PACRG: variants seen among roughly 807,000 people sequenced by gnomAD.
The protein encoded by PACRG is parkin coregulated gene protein.
Under a neutral mutation model 29.7 loss-of-function variants are expected in PACRG, and 29 were observed. The ratio of observed to expected loss-of-function variants is 0.98; its 90% confidence interval spans 0.73 to 1.33. The LOEUF is 1.33. Ranked by LOEUF, PACRG falls within the 40% of genes most tolerant of loss-of-function variation. The pLI, the probability that PACRG is intolerant of heterozygous loss-of-function variation, is 0.00. For synonymous variants in PACRG, 116 were observed against 118.7 expected (o/e 0.98, Z 0.15); for missense variants, 279 against 316.2 (o/e 0.88, Z 0.89).
chr6:163,068,889 G>A (rs1466462602), intron 3 of PACRG, among the ~76,000 whole-genome samples: 1 of 150,384 alleles, frequency 6.6e-6, no homozygotes, highest in Non-Finnish European at 1.5e-5. Context: ...GGGGTGGGGG[G>A]TATTTAGCAG....
intron 1 of PACRG, among the ~76,000 whole-genome samples, chr6:162,796,859 G>A (rs940987718): frequency 2.0e-5 from 3 of 152,200 alleles, no homozygotes; most frequent in African/African-American, 7.2e-5. Flanking sequence ...TTATGTGAAT[G>A]CTTGACACAG....
rs114595986 is a variant in PACRG, at chr6:163,097,664, C to T, written c.613+8256C>T. On this transcript the variant is annotated intron_variant, in intron 4 of 4. Coordinates refer to ENST00000366888, the MANE Select transcript of PACRG (RefSeq NM_001080379.2). ...TATACATTGGTTTGGTTCAGAAGGG[C>T]GGTGGTTTACAGGTCATAGTGGGTT... Among the ~76,000 whole-genome samples the T allele has an allele frequency of 4.9e-3, 749 of 152,072 alleles. 5 individuals carry two copies. The highest frequency in any genetic ancestry group is 0.017 in the African/African-American group (720 of 41,480).
At chr6:163,146,602 C>T (rs913918789) in intron 4 of PACRG, among the ~76,000 whole-genome samples, 4 of 152,296 alleles carry the variant, frequency 2.6e-5, no homozygotes, top group Non-Finnish European at 5.9e-5. Flanking sequence ...CTTCTTGTCA[C>T]AAGTAAATAA....
intron 4 of PACRG, among the ~76,000 whole-genome samples, chr6:163,204,514 C>G (rs1780823138): frequency 6.6e-6 from 1 of 152,174 alleles, no homozygotes; most frequent in African/African-American, 2.4e-5. Flanking sequence ...TCCTCTACCC[C>G]CACCAATCAC....
At chr6:162,928,739 T>G (rs1797631194) in intron 2 of PACRG, among the ~76,000 whole-genome samples, 1 of 151,936 alleles carries the variant, frequency 6.6e-6, no homozygotes, top group Non-Finnish European at 1.5e-5. Context: ...TATGGCTATA[T>G]GTATGTATGT....
chr6:163,025,834 C>T, intron 2 of PACRG, among the ~76,000 whole-genome samples: 1 of 152,172 alleles, frequency 6.6e-6, no homozygotes, highest in East Asian at 1.9e-4. Context: ...TACAGAGGTG[C>T]ACAAGTTAAG....
intron 4 of PACRG, among the ~76,000 whole-genome samples, chr6:163,244,326 C>T (rs148974332): frequency 1.4e-4 from 21 of 152,078 alleles, no homozygotes; most frequent in Non-Finnish European, 2.8e-4. Flanking sequence ...TGAGCTTCAT[C>T]GAGGATCTGT....
rs185314723 is a variant in PACRG at position 162,791,285 on chromosome 6, C to A, written c.157-22862C>A. On this transcript the variant is annotated intron_variant, in intron 1 of 4. Transcript: ENST00000366888. ...GTGGGTATATTTGCTCTCTTTTCCC[C>A]ACTCTGACTCCTAGTTTGTTTGTTT... is the stretch of plus-strand genomic sequence containing the variant. 4.0e-5 allele frequency among the ~76,000 whole-genome samples: 6 copies of A among 149,940 alleles called. No homozygotes were observed. In the Admixed American group the frequency reaches 4.0e-4, roughly 10 times the overall value.
intron 4 of PACRG, among the ~76,000 whole-genome samples, chr6:163,099,766 C>A (rs1203111802): frequency 6.6e-6 from 1 of 152,184 alleles, no homozygotes; most frequent in Admixed American, 6.5e-5. Context: ...GGGTGAGAGA[C>A]AAAAGCTAAG....
chr6:162,776,086 C>T (rs929306905), intron 1 of PACRG, among the ~76,000 whole-genome samples: 1 of 152,044 alleles, frequency 6.6e-6, no homozygotes, highest in Non-Finnish European at 1.5e-5. Flanking sequence ...AAATAAAATC[C>T]ATCCAGAAAA....
At chr6:162,983,651 T>G (rs893887568) in intron 2 of PACRG, among the ~76,000 whole-genome samples, 1 of 152,064 alleles carries the variant, frequency 6.6e-6, no homozygotes, top group African/African-American at 2.4e-5. Flanking sequence ...CCCTTCTGGC[T>G]TGTAGGGTTT....
chr6:162,780,043 A>C (rs1247562136), intron 1 of PACRG, among the ~76,000 whole-genome samples: 1 of 152,208 alleles, frequency 6.6e-6, no homozygotes, highest in Non-Finnish European at 1.5e-5. Context: ...ATGACACAGG[A>C]ATGAGATGTA....
chr6:163,137,880 C>T (rs1816999748), intron 4 of PACRG, among the ~76,000 whole-genome samples: 1 of 152,254 alleles, frequency 6.6e-6, no homozygotes. Flanking sequence ...CCTGAGTGGG[C>T]TCCCTGCAAA....
chr6:162,914,088 T>C (rs773049308), intron 2 of PACRG, among the ~76,000 whole-genome samples: 5 of 152,136 alleles, frequency 3.3e-5, no homozygotes, highest in Middle Eastern at 3.2e-3. Context: ...CAGCTTATCA[T>C]TTTTTTCTTT....
chr6:163,225,476 C>A (rs966552578), intron 4 of PACRG, among the ~76,000 whole-genome samples: 1 of 152,180 alleles, frequency 6.6e-6, no homozygotes, highest in Non-Finnish European at 1.5e-5. Flanking sequence ...GAGGCCTCCC[C>A]AGCCATGCAG....
At chr6:163,246,933 C>G (rs12202006) in intron 4 of PACRG, among the ~76,000 whole-genome samples, 1 of 152,060 alleles carries the variant, frequency 6.6e-6, no homozygotes, top group Non-Finnish European at 1.5e-5. Context: ...AGATAAAATT[C>G]TAAGTGAAGG....
intron 2 of PACRG, among the ~76,000 whole-genome samples, chr6:162,989,920 GA>G (rs1803285465): frequency 6.6e-6 from 1 of 151,914 alleles, no homozygotes. Flanking sequence ...CCCAGAGTGT[GA>G]TGTTCCCCTT....
intron 2 of PACRG, among the ~76,000 whole-genome samples, chr6:162,934,969 A>C (rs954952434): frequency 7.9e-5 from 12 of 152,060 alleles, no homozygotes; most frequent in Non-Finnish European, 1.6e-4. Context: ...TTCTTGGCTG[A>C]TAGTTGTTGT....
intron 1 of PACRG, among the ~76,000 whole-genome samples, chr6:162,732,781 T>A (rs1779872497): frequency 6.6e-6 from 1 of 152,190 alleles, no homozygotes; most frequent in Admixed American, 6.5e-5. Flanking sequence ...ATTACACTAA[T>A]CTTTCTGGTA....
Sources: gnomAD v4.1 joint callset for allele counts (sites outside exome capture counted in the v4.1 genomes callset) on GRCh38, gnomAD v4.1.1 for gene constraint, MANE v1.5 for transcripts, NCBI Gene and HGNC (gene_info 2026-07-23, HGNC 2026-07-21) for gene names.